MRM2: variants seen among roughly 807,000 people sequenced by gnomAD.
MRM2 encodes rRNA methyltransferase 2, mitochondrial.
MRM2 carries 15 observed loss-of-function variants against 10.9 expected under a neutral mutation model. The observed-to-expected ratio is 1.37, with a 90% CI of 0.92 to 2.11. MRM2 has a LOEUF of 2.11. Ranked by LOEUF, MRM2 falls within the 30% of genes most tolerant of loss-of-function variation. The pLI, the probability that MRM2 is intolerant of heterozygous loss-of-function variation, is 0.00. For synonymous variants in MRM2, 139 were observed against 128.7 expected (o/e 1.08, Z -0.54); for missense variants, 328 against 321.3 (o/e 1.02, Z -0.16).
At position 2,235,510 on chromosome 7, in the gene MRM2, G is replaced by A; in HGVS notation, c.353C>T (p.Pro118Leu). 6.2e-7 allele frequency: 1 copy of A among 1,613,506 alleles called. No homozygotes were observed. Among genetic ancestry groups the A allele is most frequent in the Non-Finnish European group, 8.5e-7 (1 of 1,179,878 alleles). ...GCACAGAAAAGTTGCTCCTTCCAGGGGGAATATGTGAAGAAGATCTACCCC... is the reference window on the plus strand; with the variant it reads ...GCACAGAAAAGTTGCTCCTTCCAGGAGGAATATGTGAAGAAGATCTACCCC... ...VLGVDLLHIF[P>L]LEGATFLCPA... is the part of the protein sequence containing the mutation. Residue 118 changes from proline to leucine, a missense_variant, in exon 3 of 3, where the codon CCC becomes CTC. Physicochemically the swap from Pro to Leu is moderately conservative, Grantham distance 98 (BLOSUM62 -3). Transcript: ENST00000242257.
In MRM2 at chr7:2,235,373, C is replaced by A. The variant is rs1022059498; in HGVS notation, c.490G>T (p.Asp164Tyr). 9.3e-6 allele frequency: 15 copies of A among 1,613,984 alleles called. No homozygotes were observed. Among genetic ancestry groups the A allele is most frequent in the Non-Finnish European group, 1.3e-5 (15 of 1,180,028 alleles). ...DMAPNATGFR[D>Y]LDHDRLISLC... is the part of the protein sequence containing the mutation. ...CTGATGAGCCTGTCATGATCGAGGT[C>A]CCGGAACCCTGTGGCATTGGGCGCC... Residue 164 changes from aspartate (D) to tyrosine (Y), a missense_variant, in exon 3 of 3, where the codon GAC becomes TAC. By Grantham distance (160) the Asp-to-Tyr change is radical. Coordinates refer to ENST00000242257, the MANE Select transcript of MRM2 (RefSeq NM_013393.3).
chr7:2,236,948 G>GT (rs1177548090), intron 2 of MRM2, among the ~76,000 whole-genome samples: 1 of 152,170 alleles, frequency 6.6e-6, no homozygotes, highest in African/African-American at 2.4e-5. Context: ...CTTGTTTTAC[G>GT]TAAGGTGACA....
At position 2,235,340 on chromosome 7, in the gene MRM2, G is replaced by C. The variant is rs902271547; in HGVS notation, c.523C>G (p.Leu175Val). 1.9e-6 allele frequency: 3 copies of C among 1,613,952 alleles called. No homozygotes were observed. Among genetic ancestry groups the C allele is most frequent in the African/African-American group, 2.7e-5 (2 of 74,928 alleles). ...TCTGGGGTCACGCTGAGAAGGGTCAGGCACAGGCTGATGAGCCTGTCATGA... is the reference window on the plus strand; with the variant it reads ...TCTGGGGTCACGCTGAGAAGGGTCACGCACAGGCTGATGAGCCTGTCATGA... ...LDHDRLISLCLTLLSVTPDIL... is the reference protein window; with the variant it reads ...LDHDRLISLCVTLLSVTPDIL... The change falls in exon 3 of 3, where the codon CTG (leucine) becomes GTG (valine). Residue 175 changes from leucine (L) to valine (V), a missense_variant. By Grantham distance (32) the Leu-to-Val change is conservative (BLOSUM62 1). Transcript: ENST00000242257.
chr7:2,240,708 T>G (rs917586101), intron 1 of MRM2, among the ~76,000 whole-genome samples: 1 of 143,254 alleles, frequency 7.0e-6, no homozygotes, highest in Non-Finnish European at 1.6e-5. Context: ...CTATGTCCTC[T>G]TTTTCTTTTT....
chr7:2,237,273 C>T (rs1164154147), intron 2 of MRM2, among the ~76,000 whole-genome samples: 1 of 152,244 alleles, frequency 6.6e-6, no homozygotes, highest in Non-Finnish European at 1.5e-5. Context: ...ACTGGGATTA[C>T]AGGTGTGAGC....
Position 2,239,401 on chromosome 7 carries a change from G to GATCT in MRM2, c.298+16_298+17insAGAT. 6.3e-7 allele frequency: 1 copy of GATCT among 1,590,574 alleles called. No individual in the cohort carries two copies. The highest frequency in any genetic ancestry group is 1.1e-5 in the South Asian group (1 of 88,790). ...TCAGGGGAGCCAGAAGGTGCCAACAGCAGTGCAGAGGCCCACCTGTGCCTG... is the reference window on the plus strand; with the variant it reads ...TCAGGGGAGCCAGAAGGTGCCAACAGATCTCAGTGCAGAGGCCCACCTGTGCCTG... On this transcript the variant is annotated intron_variant, in intron 2 of 2. Transcript: ENST00000242257.
intron 1 of MRM2, among the ~76,000 whole-genome samples, chr7:2,240,498 TCAAA>T (rs1427076175): frequency 2.0e-5 from 3 of 151,768 alleles, no homozygotes; most frequent in Non-Finnish European, 2.9e-5. Flanking sequence ...ACTCCTGGGC[TCAAA>T]CAATCCTCTC....
intron 2 of MRM2, among the ~76,000 whole-genome samples, chr7:2,235,895 T>G (rs1794411891): frequency 6.6e-6 from 1 of 152,220 alleles, no homozygotes; most frequent in Non-Finnish European, 1.5e-5. Context: ...TCACTCTCTG[T>G]GAAAGGGTTC....
At chr7:2,239,013 AT>A (rs55990627) in intron 2 of MRM2, 26,566 of 69,582 alleles carry the variant, frequency 0.38, 4,652 homozygotes, top group Middle Eastern at 0.44. Flanking sequence ...ATATATATAT[AT>A]ATATATATAT....
chr7:2,240,857 C>T (rs754444876), intron 1 of MRM2, among the ~76,000 whole-genome samples: 4 of 152,060 alleles, frequency 2.6e-5, no homozygotes, highest in Non-Finnish European at 5.9e-5. Context: ...CTACCATGTC[C>T]GGCTAATGTT....
rs539543044 is a variant in MRM2, at chr7:2,239,063, G to A, written c.298+355C>T. 31 of 638,122 alleles carry A rather than the reference G, an allele frequency of 4.9e-5. No homozygotes were observed. In the African/African-American group the frequency reaches 5.8e-4, roughly 12 times the overall value. The allele number at this position is 638,122 out of a possible 1,614,324, so 39.5% of individuals were successfully genotyped here. A position where few individuals can be genotyped will look rare whatever the true frequency, so the allele number is the denominator to read the frequency against. ...ATGTATGTATCATTAAGCAAAAATAGCTCCAATAGGCTGCAAATTAGCAAG... is the reference window on the plus strand; with the variant it reads ...ATGTATGTATCATTAAGCAAAAATAACTCCAATAGGCTGCAAATTAGCAAG... On this transcript the variant is annotated intron_variant, in intron 2 of 2. Coordinates refer to ENST00000242257, the MANE Select transcript of MRM2 (RefSeq NM_013393.3).
At position 2,234,989 on chromosome 7, in the gene MRM2, G is replaced by GAT. The variant is rs1794391995; in HGVS notation, c.*132_*133insAT. The GAT allele has an allele frequency of 3.0e-6, 2 of 670,142 alleles. No individual in the cohort carries two copies. Among genetic ancestry groups the GAT allele is most frequent in the Non-Finnish European group, 5.2e-6 (2 of 386,916 alleles). The allele number at this position is 670,142 out of a possible 1,614,324, so 41.5% of individuals were successfully genotyped here. A position where few individuals can be genotyped will look rare whatever the true frequency, so the allele number is the denominator to read the frequency against. On this transcript the variant is annotated 3_prime_UTR_variant, in exon 3 of 3. Coordinates refer to ENST00000242257, the MANE Select transcript of MRM2 (RefSeq NM_013393.3). ...TTAAAAAGAGAGAGAGAGAAAGAGA[G>GAT]AGAGAGACTCCCCACTTGTCCTGCT...
chr7:2,236,473 G>A (rs1166681458), intron 2 of MRM2, among the ~76,000 whole-genome samples: 1 of 152,108 alleles, frequency 6.6e-6, no homozygotes, highest in Non-Finnish European at 1.5e-5. Context: ...AGGATTACTT[G>A]AGCCCAGGAG....
rs759444303 is a variant in MRM2 at position 2,239,719 on chromosome 7, G to C, written c.9-12C>G. The C allele has an allele frequency of 6.8e-6, 11 of 1,607,448 alleles. No homozygotes were observed. The South Asian group carries it at 1.2e-4, about 18-fold the overall frequency. On this transcript the variant is annotated splice_polypyrimidine_tract_variant and intron_variant, in intron 1 of 2. Transcript: ENST00000242257. ...CCAGCTTCAAGTACCTGGTGGGAGA[G>C]AAGAGGAGCAGGCAGGTTGGCATCA...
chr7:2,237,027 T>G (rs1313771900), intron 2 of MRM2, among the ~76,000 whole-genome samples: 1 of 151,682 alleles, frequency 6.6e-6, no homozygotes, highest in Non-Finnish European at 1.5e-5. Context: ...TTGTGTGTCT[T>G]TGTGTGTGTG....
intron 1 of MRM2, among the ~76,000 whole-genome samples, chr7:2,240,616 C>A (rs1266034239): frequency 6.6e-6 from 1 of 152,164 alleles, no homozygotes; most frequent in East Asian, 1.9e-4. Flanking sequence ...ACAATTTATT[C>A]ACAGCCCACA....
chr7:2,235,483 G>A lies in MRM2; in HGVS notation c.380C>T (p.Pro127Leu), dbSNP rs751896250. ...GGTTCTCGGGTCAGTCACGTCAGCA[G>A]GGCACAGAAAAGTTGCTCCTTCCAG... Reference protein sequence around the residue: ...FPLEGATFLCPADVTDPRTSQ... With the variant: ...FPLEGATFLCLADVTDPRTSQ... Residue 127 changes from proline to leucine, a missense_variant, in exon 3 of 3, where the codon CCT becomes CTT. Coordinates refer to ENST00000242257, the MANE Select transcript of MRM2 (RefSeq NM_013393.3). The A allele has an allele frequency of 6.2e-7, 1 of 1,613,830 alleles. No individual in the cohort carries two copies. The highest frequency in any genetic ancestry group is 1.3e-5 in the African/African-American group (1 of 74,908).
intron 1 of MRM2, among the ~76,000 whole-genome samples, chr7:2,241,108 C>A (rs1284246587): frequency 6.6e-6 from 1 of 152,108 alleles, no homozygotes; most frequent in African/African-American, 2.4e-5. Flanking sequence ...CTCAAGTGAA[C>A]CTCCCACCTC....
rs763042221 is a variant in MRM2, at chr7:2,242,139, C to CGCA, written c.8+20_8+22dup. On this transcript the variant is annotated intron_variant, in intron 1 of 2. Transcript: ENST00000242257. Reference sequence around the variant, plus strand: ...CCCAACCACTCCCGCTGTCTGCACGCGCAGCAGCAGCGCCCAGCTCACCCC... The same window carrying CGCA: ...CCCAACCACTCCCGCTGTCTGCACGCGCAGCAGCAGCAGCGCCCAGCTCACCCC... 1.3e-5 allele frequency: 20 copies of CGCA among 1,583,182 alleles called. No individual in the cohort carries two copies. In the African/African-American group the frequency reaches 1.5e-4, roughly 12 times the overall value.
Sources: allele counts gnomAD v4.1 joint callset (sites outside exome capture counted in the v4.1 genomes callset), GRCh38; gene constraint gnomAD v4.1.1; transcripts MANE v1.5; gene names NCBI Gene and HGNC (gene_info 2026-07-23, HGNC 2026-07-21).